SOBP: variants seen among roughly 807,000 people sequenced by gnomAD.
SOBP encodes the protein sine oculis-binding protein homolog.
SOBP carries 4 observed loss-of-function variants against 53.6 expected under a neutral mutation model. The ratio of observed to expected loss-of-function variants is 0.07; its 90% CI spans 0.04 to 0.17. SOBP has a LOEUF of 0.17. Among genes scored for constraint, SOBP ranks in the 10% least tolerant of loss-of-function variants. SOBP has a pLI of 1.00. For missense variants in SOBP, 1,088 were observed against 1,204.7 expected (o/e 0.90, Z 1.43); for synonymous variants, 584 against 522.6 (o/e 1.12, Z -1.60).
intron 6 of SOBP, among the ~76,000 whole-genome samples, chr6:107,653,108 A>G (rs1771877133): frequency 6.6e-6 from 1 of 152,216 alleles, no homozygotes; most frequent in South Asian, 2.1e-4. Flanking sequence ...AAGAGATGTC[A>G]TCCTCTTCAA....
chr6:107,533,324 A>C (rs1237266726), intron 3 of SOBP, 135 bp from the exon 4 acceptor site: 6 of 695,910 alleles, frequency 8.6e-6, no homozygotes, highest in Non-Finnish European at 1.4e-5. Context: ...AGAGAGAGAG[A>C]AAGAAAAAGC....
intron 4 of SOBP, among the ~76,000 whole-genome samples, chr6:107,562,094 A>C (rs1044323327): frequency 1.4e-5 from 2 of 146,638 alleles, no homozygotes. Flanking sequence ...GCAGTGGTGC[A>C]ATCTTGGCTC....
chr6:107,582,091 G>A (rs1311968302), intron 4 of SOBP, among the ~76,000 whole-genome samples: 4 of 152,214 alleles, frequency 2.6e-5, no homozygotes, highest in Non-Finnish European at 5.9e-5. Context: ...TAACTCTGAA[G>A]CCTAATTATC....
chr6:107,638,410 C>A (rs923108085), intron 6 of SOBP, among the ~76,000 whole-genome samples: 2 of 152,172 alleles, frequency 1.3e-5, no homozygotes, highest in African/African-American at 4.8e-5. Flanking sequence ...AGGGTTTTGC[C>A]ATGTTGGCCA....
intron 3 of SOBP, among the ~76,000 whole-genome samples, chr6:107,517,117 A>G (rs1306711359): frequency 3.9e-5 from 6 of 152,238 alleles, no homozygotes; most frequent in African/African-American, 1.4e-4. Context: ...ATCAAGATTT[A>G]TTGTAAGGAC....
chr6:107,518,433 A>G (rs1185853498), intron 3 of SOBP, among the ~76,000 whole-genome samples: 1 of 152,228 alleles, frequency 6.6e-6, no homozygotes, highest in African/African-American at 2.4e-5. Context: ...GCTGATTGGC[A>G]ATATCTATTA....
At chr6:107,605,077 C>A (rs752255275) in intron 5 of SOBP, among the ~76,000 whole-genome samples, 2 of 152,176 alleles carry the variant, frequency 1.3e-5, no homozygotes, top group Non-Finnish European at 2.9e-5. Context: ...GCATGTTCAT[C>A]CCCCATGCTC....
At chr6:107,592,166 A>G (rs1583247295) in intron 5 of SOBP, among the ~76,000 whole-genome samples, 1 of 152,218 alleles carries the variant, frequency 6.6e-6, no homozygotes, top group East Asian at 1.9e-4. Context: ...AATCAGACCC[A>G]GTTTTAAAAG....
At position 107,660,409 on chromosome 6, in the gene SOBP, G is replaced by A. The variant is rs1284677585; in HGVS notation, c.*2206G>A. ...ATGCCCATCACTGACAGCACACAGT[G>A]CATGGGAAGTGAGTGTTTAGGCTGT... is the stretch of plus-strand genomic sequence containing the variant. On this transcript the variant is annotated 3_prime_UTR_variant, in exon 7 of 7. Transcript: ENST00000317357. Among the ~76,000 whole-genome samples the A allele has an allele frequency of 2.0e-5, 3 of 152,184 alleles. No homozygotes were observed. Among genetic ancestry groups the A allele is most frequent in the Non-Finnish European group, 4.4e-5 (3 of 68,016 alleles).
intron 5 of SOBP, among the ~76,000 whole-genome samples, chr6:107,602,080 T>G (rs2818259): frequency 0.27 from 41,684 of 152,144 alleles, 7,031 homozygotes; most frequent in East Asian, 0.58. Context: ...CAAATTATAC[T>G]CATTGCTCTC....
chr6:107,498,326 A>G (rs1228442879), intron 1 of SOBP, among the ~76,000 whole-genome samples: 1 of 152,218 alleles, frequency 6.6e-6, no homozygotes, highest in African/African-American at 2.4e-5. Flanking sequence ...GTAGAATACA[A>G]ATTTGAAAAC....
chr6:107,623,549 T>C (rs1997981), intron 5 of SOBP, among the ~76,000 whole-genome samples: 149,176 of 152,284 alleles, frequency 0.98, 73,088 homozygotes, highest in East Asian at 1. Flanking sequence ...GCAGAGAACA[T>C]CTGCTATGCT....
chr6:107,611,053 A>G (rs1046765335), intron 5 of SOBP, among the ~76,000 whole-genome samples: 4 of 152,240 alleles, frequency 2.6e-5, no homozygotes, highest in African/African-American at 9.6e-5. Context: ...CTTGCTGTCC[A>G]GTTGTGCTTT....
chr6:107,558,117 AT>A (rs1784667438), intron 4 of SOBP: 1 of 152,032 alleles, frequency 6.6e-6, no homozygotes, highest in African/African-American at 2.4e-5. Flanking sequence ...GGCTGTATTG[AT>A]TTTTAGTCTT....
chr6:107,654,701 T>C (rs1771941740), intron 6 of SOBP, among the ~76,000 whole-genome samples: 1 of 152,028 alleles, frequency 6.6e-6, no homozygotes, highest in South Asian at 2.1e-4. Context: ...TGAGGGATGG[T>C]GGCTGAGGAA....
Position 107,634,382 on chromosome 6 carries a change from C to T in SOBP, c.1538C>T (p.Ser513Leu). ...CAGATGATGAATTTCGGGCTGCCGT[C>T]GCTTGCCCCGCTGGTGCCGCCCCCG... ...VPQMMNFGLP[S>L]LAPLVPPPTL... Residue 513 changes from serine to leucine, a missense_variant, in exon 6 of 7, where the codon TCG becomes TTG. Physicochemically the swap from Ser to Leu is moderately radical, Grantham distance 145. Transcript: ENST00000317357. The surrounding 1 kb of genome is among the most constrained non-coding windows in gnomAD (Gnocchi z 4.5). 1 of 1,597,014 alleles carries T rather than the reference C, an allele frequency of 6.3e-7. No individual in the cohort carries two copies. The highest frequency in any genetic ancestry group is 1.1e-5 in the South Asian group (1 of 90,222).
intron 1 of SOBP, among the ~76,000 whole-genome samples, chr6:107,493,213 C>T (rs1185941763): frequency 6.6e-6 from 1 of 151,006 alleles, no homozygotes; most frequent in East Asian, 2.0e-4. Context: ...TGGCCTTGTG[C>T]AGCTTCATAT....
intron 3 of SOBP, among the ~76,000 whole-genome samples, chr6:107,517,878 T>C (rs1783366793): frequency 6.6e-6 from 1 of 152,208 alleles, no homozygotes; most frequent in Non-Finnish European, 1.5e-5. Context: ...CAATTAAGAA[T>C]GTTTGCTGAT....
intron 6 of SOBP, among the ~76,000 whole-genome samples, chr6:107,640,030 G>A: frequency 6.6e-6 from 1 of 152,200 alleles, no homozygotes; most frequent in East Asian, 1.9e-4. Flanking sequence ...GAAAGCTGGA[G>A]GAGGCACCTG....
Sources: gnomAD v4.1 joint callset for allele counts (sites outside exome capture counted in the v4.1 genomes callset) on GRCh38, gnomAD v4.1.1 for gene constraint, Gnocchi (gnomAD v3.1) non-coding constraint, MANE v1.5 for transcripts, NCBI Gene and HGNC (gene_info 2026-07-23, HGNC 2026-07-21) for gene names.